Variants in RUVBL1 observed in about 807,000 individuals in gnomAD.
RUVBL1 encodes RuvB like AAA ATPase 1, also known as ruvB-like 1.
In RUVBL1, 4 loss-of-function variants were observed where a neutral mutation model predicts 52.4. The observed-to-expected ratio is 0.08, with a 90% CI of 0.04 to 0.17. The LOEUF (loss-of-function observed/expected upper bound fraction) is 0.17, where lower values mean the gene tolerates loss of function less well. Ranked by LOEUF, RUVBL1 falls within the 10% of genes least tolerant of loss-of-function variation. RUVBL1 has a pLI of 1.00. For missense variants in RUVBL1, 298 were observed against 572.8 expected (o/e 0.52, Z 4.90); for synonymous variants, 217 against 214.4 (o/e 1.01, Z -0.10).
intron 1 of RUVBL1, among the ~76,000 whole-genome samples, chr3:128,151,649 A>G (rs1370665884): frequency 6.6e-6 from 1 of 152,014 alleles, no homozygotes; most frequent in Non-Finnish European, 1.5e-5. Context: ...TCTTGTAAGG[A>G]CCCTAATCCC....
At chr3:128,124,968 C>T (rs1461749938), upstream of RUVBL1, among the ~76,000 whole-genome samples, 1 of 134,912 alleles carries the variant, frequency 7.4e-6, no homozygotes, top group Non-Finnish European at 1.6e-5. Flanking sequence ...GACCTGAAAT[C>T]AAATCCAATT....
At chr3:128,106,538 C>T (rs573533248) in intron 3 of RUVBL1, among the ~76,000 whole-genome samples, 33 of 152,192 alleles carry the variant, frequency 2.2e-4, no homozygotes, top group African/African-American at 7.2e-4. Flanking sequence ...GGCACAGCAG[C>T]AGCCCACGGC....
intron 7 of RUVBL1, 127 bp from the exon 8 acceptor site, chr3:128,097,625 C>T: frequency 2.6e-6 from 2 of 773,806 alleles, no homozygotes; most frequent in East Asian, 5.3e-5. Flanking sequence ...GCTATGTGAT[C>T]CCAGACAGGG....
At chr3:128,080,733 A>C (rs1292608655), downstream of RUVBL1, among the ~76,000 whole-genome samples, 23 of 152,250 alleles carry the variant, frequency 1.5e-4, no homozygotes, top group Admixed American at 1.2e-3. Context: ...GCATCTAAGG[A>C]GACATGACAA....
chr3:128,105,811 A>T (rs1943217214), intron 3 of RUVBL1, among the ~76,000 whole-genome samples: 1 of 150,536 alleles, frequency 6.6e-6, no homozygotes, highest in African/African-American at 2.5e-5. Flanking sequence ...GTTGTCATGC[A>T]TTATTTGCAA....
At chr3:128,143,063 G>A (rs929398783) in intron 1 of RUVBL1, among the ~76,000 whole-genome samples, 3 of 151,106 alleles carry the variant, frequency 2.0e-5, no homozygotes, top group Non-Finnish European at 4.4e-5. Context: ...TGACAGGCCT[G>A]AGCCACAGTG....
upstream of RUVBL1, among the ~76,000 whole-genome samples, chr3:128,125,937 A>G (rs989245639): frequency 2.7e-4 from 41 of 152,308 alleles, no homozygotes; most frequent in African/African-American, 8.9e-4. Context: ...AAGGAAAAAG[A>G]CTTTTTTTAC....
chr3:128,143,906 G>A (rs1944067113), intron 1 of RUVBL1, among the ~76,000 whole-genome samples: 1 of 152,204 alleles, frequency 6.6e-6, no homozygotes, highest in Non-Finnish European at 1.5e-5. Context: ...AGTAGGTGCT[G>A]ACCACTACCG....
intron 7 of RUVBL1, among the ~76,000 whole-genome samples, chr3:128,098,139 C>T (rs538484921): frequency 6.6e-6 from 1 of 152,250 alleles, no homozygotes; most frequent in African/African-American, 2.4e-5. Context: ...TCTCAGTGCT[C>T]ATTTTCCAAA....
chr3:128,066,476 G>T, intron 9 of RUVBL1: 1 of 160,120 alleles, frequency 6.2e-6, no homozygotes, highest in Non-Finnish European at 1.4e-5. Flanking sequence ...AGGCTGGAAT[G>T]CAGTGGCATG....
intron 1 of RUVBL1, among the ~76,000 whole-genome samples, chr3:128,142,182 G>A (rs935278519): frequency 5.3e-5 from 8 of 152,202 alleles, no homozygotes; most frequent in Non-Finnish European, 1.0e-4. Flanking sequence ...GGCCACATCC[G>A]CTGACTCCCA....
At chr3:128,078,810 G>T (rs922586859), downstream of RUVBL1, 2 of 152,168 alleles carry the variant, frequency 1.3e-5, no homozygotes, top group Non-Finnish European at 2.9e-5. Flanking sequence ...TAAAAACTTC[G>T]CCCGGAAGAT....
chr3:128,069,415 G>C, intron 9 of RUVBL1: 1 of 1,524,248 alleles, frequency 6.6e-7, no homozygotes, highest in Non-Finnish European at 8.9e-7. Context: ...GAGCCTGTTG[G>C]CCGCCTGGCT....
chr3:128,081,432 C>T lies in RUVBL1; in HGVS notation c.1212-23G>A. ...TACCTAGAGTGGACAGGGGCCAGGG[C>T]TGGAGTGAAACTGGGGCCACCGAAG... On this transcript the variant is annotated intron_variant, in intron 10 of 10. Transcript: ENST00000322623. This position sits in a 1 kb window ranked among gnomAD's most constrained non-coding sequence, Gnocchi z 4.8. 1 of 1,599,328 alleles carries T rather than the reference C, an allele frequency of 6.3e-7. No individual in the cohort carries two copies. The highest frequency in any genetic ancestry group is 8.6e-7 in the Non-Finnish European group (1 of 1,169,038).
intron 1 of RUVBL1, among the ~76,000 whole-genome samples, chr3:128,150,780 CTATA>C (rs1268426430): frequency 1.2e-4 from 11 of 90,730 alleles, no homozygotes; most frequent in Non-Finnish European, 2.0e-4. Flanking sequence ...ATTATATATT[CTATA>C]TATATTCTAT....
intron 1 of RUVBL1, among the ~76,000 whole-genome samples, chr3:128,133,725 CAG>C: frequency 6.6e-6 from 1 of 152,332 alleles, no homozygotes; most frequent in South Asian, 2.1e-4. Flanking sequence ...TGACCAAAGA[CAG>C]ATTACAACAC....
chr3:128,152,887 C>CCCCCCCCCGCCCCCCCCCCCCA (rs1559843116), intron 1 of RUVBL1, among the ~76,000 whole-genome samples: 1 of 11,692 alleles, frequency 8.6e-5, no homozygotes, highest in Non-Finnish European at 1.9e-4. Flanking sequence ...TATTTGCCCC[C>CCCCCCCCCGCCCCCCCCCCCCA]TCCCCCACGT....
chr3:128,090,386 G>A (rs938903545), intron 8 of RUVBL1, among the ~76,000 whole-genome samples: 1 of 152,202 alleles, frequency 6.6e-6, no homozygotes, highest in African/African-American at 2.4e-5. Flanking sequence ...GGGCGTGGTG[G>A]CGGGCGCCTG....
At chr3:128,109,905 T>G (rs1174536390) in intron 3 of RUVBL1, among the ~76,000 whole-genome samples, 1 of 128,036 alleles carries the variant, frequency 7.8e-6, no homozygotes, top group Non-Finnish European at 1.6e-5. Flanking sequence ...AACCTCCACC[T>G]CCCGGGTTCA....
Sources: gnomAD v4.1 joint callset for allele counts (sites outside exome capture counted in the v4.1 genomes callset) on GRCh38, gnomAD v4.1.1 for gene constraint, Gnocchi (gnomAD v3.1) non-coding constraint, MANE v1.5 for transcripts, NCBI Gene and HGNC (gene_info 2026-07-23, HGNC 2026-07-21) for gene names.